Variants in COG5 observed in about 807,000 individuals in gnomAD.
COG5 encodes the protein conserved oligomeric Golgi complex subunit 5.
A neutral mutation model predicts 110.4 loss-of-function variants in COG5; 86 were observed. The observed-to-expected ratio is 0.78, with a 90% CI of 0.65 to 0.93. COG5 has a LOEUF of 0.93. COG5 is among the 40% of genes least tolerant of loss of function. The pLI, the probability that COG5 is intolerant of heterozygous loss-of-function variation, is 0.00. For missense variants in COG5, 1,077 were observed against 987.0 expected, an observed-to-expected ratio of 1.09 and a Z score of -1.22; for synonymous variants, 360 against 334.6, an observed-to-expected ratio of 1.08 and a Z score of -0.83.
At chr7:107,528,960 C>G (rs906743572) in intron 5 of COG5, among the ~76,000 whole-genome samples, 2 of 139,548 alleles carry the variant, frequency 1.4e-5, no homozygotes, top group African/African-American at 5.7e-5. Flanking sequence ...TAAGTCAAAG[C>G]CAATCAAGTA....
chr7:107,464,953 C>A (rs1796211513), intron 6 of COG5, among the ~76,000 whole-genome samples: 1 of 152,146 alleles, frequency 6.6e-6, no homozygotes, highest in Non-Finnish European at 1.5e-5. Flanking sequence ...TTACTTCATT[C>A]CTCAAGGTTG....
Position 107,281,319 on chromosome 7 carries a change from C to A in COG5, c.1556G>T (p.Ser519Ile). 1.2e-6 allele frequency: 2 copies of A among 1,612,346 alleles called. No individual in the cohort carries two copies. Among genetic ancestry groups the A allele is most frequent in the Non-Finnish European group, 1.7e-6 (2 of 1,178,570 alleles). ...ACTTACAAGCTGCTCTGATTTTACA[C>A]TGTATAACTGGATGGTCTTTGCCAC... The part of the protein sequence containing the change: ...KNVAKTIQLY[S>I]VKSEQLLSTQ... The change falls in exon 14 of 22, where the codon AGT becomes ATT. Residue 519 changes from serine (S) to isoleucine (I), a missense_variant. By Grantham distance (142) the Ser-to-Ile change is moderately radical. Coordinates refer to ENST00000297135, the MANE Select transcript of COG5 (RefSeq NM_006348.5).
chr7:107,381,238 C>T (rs1815089631), intron 7 of COG5, among the ~76,000 whole-genome samples: 1 of 152,156 alleles, frequency 6.6e-6, no homozygotes, highest in African/African-American at 2.4e-5. Context: ...AATCAAACTT[C>T]AGTTTCAGAA....
chr7:107,539,140 T>G (rs1451088524), intron 5 of COG5, among the ~76,000 whole-genome samples: 1 of 151,878 alleles, frequency 6.6e-6, no homozygotes, highest in Non-Finnish European at 1.5e-5. Context: ...AAAAAAAAAT[T>G]AGCTGGGCAT....
chr7:107,527,253 C>T lies in COG5; in HGVS notation c.522G>A (p.Gln174=), dbSNP rs957769412. The change falls in exon 6 of 22, where the codon CAG becomes CAA. Residue 174 remains glutamine (Q), a synonymous_variant. Transcript: ENST00000297135. ...GGSREITKAA[Q]SLNELDYLSQ... Reference sequence around the variant, plus strand: ...AAAACTTACCAAGTTCATTGAGACTCTGAGCAGCTTTTGTTATCTCTCTAC... The same window carrying T: ...AAAACTTACCAAGTTCATTGAGACTTTGAGCAGCTTTTGTTATCTCTCTAC... 3.1e-6 allele frequency: 5 copies of T among 1,595,230 alleles called. No individual in the cohort carries two copies. The highest frequency in any genetic ancestry group is 3.4e-6 in the Non-Finnish European group (4 of 1,169,066).
intron 7 of COG5, among the ~76,000 whole-genome samples, chr7:107,382,309 A>C (rs1454691575): frequency 2.0e-5 from 3 of 152,230 alleles, no homozygotes; most frequent in Non-Finnish European, 2.9e-5. Context: ...AAAAGGTCTT[A>C]TCTGAGATTC....
chr7:107,209,918 C>T, intron 21 of COG5: 1 of 986,298 alleles, frequency 1.0e-6, no homozygotes, highest in Non-Finnish European at 1.2e-6. Flanking sequence ...ATGGTGAGAG[C>T]AGTTGCAGGG....
chr7:107,523,380 T>G (rs1395841046), intron 6 of COG5, among the ~76,000 whole-genome samples: 2 of 151,930 alleles, frequency 1.3e-5, no homozygotes. Flanking sequence ...CTTACTCAAC[T>G]CTTTTATTAA....
intron 6 of COG5, among the ~76,000 whole-genome samples, chr7:107,414,680 T>C (rs1792569628): frequency 1.3e-5 from 2 of 148,200 alleles, no homozygotes; most frequent in South Asian, 4.3e-4. Flanking sequence ...ATGTCTTTAT[T>C]GATTCCAAAA....
intron 10 of COG5, among the ~76,000 whole-genome samples, chr7:107,342,261 T>A (rs1314148108): frequency 1.4e-5 from 2 of 146,682 alleles, no homozygotes; most frequent in African/African-American, 5.1e-5. Flanking sequence ...CCAACAAACA[T>A]ATGAAAAAAT....
chr7:107,421,356 C>G (rs1018885977), intron 6 of COG5, among the ~76,000 whole-genome samples: 2 of 152,184 alleles, frequency 1.3e-5, no homozygotes, highest in African/African-American at 4.8e-5. Flanking sequence ...AACTAAGGAT[C>G]TAATTGACAT....
At chr7:107,523,542 C>T (rs1213371454) in intron 6 of COG5, among the ~76,000 whole-genome samples, 4 of 151,824 alleles carry the variant, frequency 2.6e-5, no homozygotes, top group African/African-American at 9.7e-5. Flanking sequence ...TGGCTGGGCG[C>T]GGTGGTTCAC....
intron 6 of COG5, among the ~76,000 whole-genome samples, chr7:107,434,000 TATAA>T (rs1794197443): frequency 6.6e-6 from 1 of 152,168 alleles, no homozygotes; most frequent in East Asian, 1.9e-4. Context: ...GGGCAAAGAA[TATAA>T]ATAGACATTT....
intron 11 of COG5, among the ~76,000 whole-genome samples, chr7:107,302,589 C>T (rs937946326): frequency 6.6e-6 from 1 of 152,090 alleles, no homozygotes. Context: ...ACTTCTTTGG[C>T]CTCCCTCTTC....
chr7:107,215,585 ACCCG>A (rs1456750459), intron 19 of COG5, among the ~76,000 whole-genome samples: 1 of 151,394 alleles, frequency 6.6e-6, no homozygotes, highest in Non-Finnish European at 1.5e-5. Context: ...AATGGCGTGA[ACCCG>A]GGAGGCAGAG....
At chr7:107,516,961 C>A (rs1426411608) in intron 6 of COG5, among the ~76,000 whole-genome samples, 1 of 152,128 alleles carries the variant, frequency 6.6e-6, no homozygotes, top group African/African-American at 2.4e-5. Context: ...TCCAAATGAT[C>A]GCAACAGCTC....
chr7:107,358,287 C>T (rs1033747624), intron 10 of COG5, among the ~76,000 whole-genome samples: 2 of 152,108 alleles, frequency 1.3e-5, no homozygotes, highest in Non-Finnish European at 2.9e-5. Context: ...TAAATAGATT[C>T]ATTTGTGTAG....
chr7:107,402,884 G>A (rs112633329), intron 7 of COG5, among the ~76,000 whole-genome samples: 232 of 152,180 alleles, frequency 1.5e-3, no homozygotes, highest in Admixed American at 2.7e-3. Flanking sequence ...AAATCTTTCC[G>A]ATACAGAAGT....
intron 6 of COG5, among the ~76,000 whole-genome samples, chr7:107,448,549 A>G (rs937150290): frequency 2.0e-5 from 3 of 152,082 alleles, no homozygotes; most frequent in Admixed American, 6.6e-5. Flanking sequence ...ATTCCTCAGG[A>G]TATCTGTCCT....
Sources: allele counts gnomAD v4.1 joint callset (sites outside exome capture counted in the v4.1 genomes callset), GRCh38; gene constraint gnomAD v4.1.1; transcripts MANE v1.5; gene names NCBI Gene and HGNC (gene_info 2026-07-23, HGNC 2026-07-21).